PSD3: variants seen among roughly 807,000 people sequenced by gnomAD.
PSD3 encodes PH and SEC7 domain-containing protein 3.
PSD3 carries 49 observed loss-of-function variants against 105.5 expected under a neutral mutation model. The observed-to-expected ratio is 0.46, with a 90% CI of 0.37 to 0.59. The LOEUF is 0.59. Ranked by LOEUF, PSD3 falls within the 20% of genes least tolerant of loss-of-function variation. The pLI is 0.00. For synonymous variants in PSD3, 557 were observed against 457.8 expected, an observed-to-expected ratio of 1.22 and a Z score of -2.77; for missense variants, 1,561 against 1,263.8, an observed-to-expected ratio of 1.24 and a Z score of -3.57.
At chr8:18,618,209 C>T (rs1186352014) in intron 11 of PSD3, among the ~76,000 whole-genome samples, 1 of 140,932 alleles carries the variant, frequency 7.1e-6, no homozygotes, top group Non-Finnish European at 1.7e-5. Context: ...CCGTCTATGA[C>T]CTGGAAGCCC....
chr8:18,710,256 T>C (rs1802169596), intron 9 of PSD3, among the ~76,000 whole-genome samples: 1 of 151,934 alleles, frequency 6.6e-6, no homozygotes, highest in South Asian at 2.1e-4. Context: ...AGGTGAAGAC[T>C]ATGTTGCTGA....
At chr8:18,696,313 C>G (rs113361324) in intron 9 of PSD3, among the ~76,000 whole-genome samples, 3 of 152,318 alleles carry the variant, frequency 2.0e-5, no homozygotes, top group African/African-American at 7.2e-5. Context: ...CACATTATCT[C>G]ATTTAATACG....
chr8:19,062,655 C>G (rs911394877), intron 1 of PSD3, among the ~76,000 whole-genome samples: 2 of 152,088 alleles, frequency 1.3e-5, no homozygotes, highest in Non-Finnish European at 2.9e-5. Context: ...AAGACACATA[C>G]TAATATGCTT....
At chr8:18,757,553 A>T (rs1367802796) in intron 9 of PSD3, among the ~76,000 whole-genome samples, 1 of 152,174 alleles carries the variant, frequency 6.6e-6, no homozygotes, top group Non-Finnish European at 1.5e-5. Context: ...TAAGGGACAA[A>T]GGGGCAATGA....
intron 12 of PSD3, among the ~76,000 whole-genome samples, chr8:18,583,269 T>C (rs558797501): frequency 8.5e-5 from 13 of 152,096 alleles, no homozygotes; most frequent in Non-Finnish European, 1.9e-4. Context: ...TGAGATCCCG[T>C]TTCTACAAAT....
At chr8:18,572,140 C>G (rs964620602) in intron 14 of PSD3, among the ~76,000 whole-genome samples, 1 of 152,096 alleles carries the variant, frequency 6.6e-6, no homozygotes, top group African/African-American at 2.4e-5. Flanking sequence ...TTTTGTATTT[C>G]TAGCACTAAA....
intron 2 of PSD3, among the ~76,000 whole-genome samples, chr8:18,881,447 G>C (rs1029016642): frequency 2.6e-5 from 4 of 152,132 alleles, no homozygotes; most frequent in Non-Finnish European, 5.9e-5. Flanking sequence ...AATCAAACTG[G>C]TTTTCTTCCA....
intron 9 of PSD3, chr8:18,762,971 A>T: frequency 7.9e-7 from 1 of 1,264,256 alleles, no homozygotes; most frequent in Non-Finnish European, 1.0e-6. Context: ...GTAGTCTGTG[A>T]TCTCTGAGGA....
At chr8:18,958,185 G>A (rs961323955) in intron 1 of PSD3, among the ~76,000 whole-genome samples, 3 of 152,128 alleles carry the variant, frequency 2.0e-5, no homozygotes, top group African/African-American at 7.2e-5. Flanking sequence ...AACCTTGTGT[G>A]CTACACTGAA....
At chr8:18,772,561 T>A (rs945643443) in intron 8 of PSD3, among the ~76,000 whole-genome samples, 1 of 152,118 alleles carries the variant, frequency 6.6e-6, no homozygotes, top group African/African-American at 2.4e-5. Flanking sequence ...CAGGCTGGAG[T>A]GCAGTGGCAC....
At chr8:18,783,522 T>G (rs1808839689) in intron 8 of PSD3, among the ~76,000 whole-genome samples, 1 of 152,242 alleles carries the variant, frequency 6.6e-6, no homozygotes, top group African/African-American at 2.4e-5. Context: ...TTTCATTAGG[T>G]TAGACTGTAA....
chr8:18,559,789 G>C (rs549020047), intron 14 of PSD3, among the ~76,000 whole-genome samples: 3 of 152,148 alleles, frequency 2.0e-5, no homozygotes, highest in African/African-American at 7.2e-5. Context: ...ATACAGGCTA[G>C]AATGACAATA....
chr8:18,943,811 G>A (rs986918267), intron 1 of PSD3, among the ~76,000 whole-genome samples: 3 of 152,058 alleles, frequency 2.0e-5, no homozygotes, highest in South Asian at 2.1e-4. Context: ...CGGAAACTGG[G>A]ATTTGTATGC....
At chr8:18,712,438 A>G (rs140666238) in intron 9 of PSD3, among the ~76,000 whole-genome samples, 179 of 152,328 alleles carry the variant, frequency 1.2e-3, no homozygotes, top group Middle Eastern at 6.8e-3. Context: ...ATAAAGGGGT[A>G]TCATCCCTGA....
intron 2 of PSD3, among the ~76,000 whole-genome samples, chr8:18,893,273 C>G (rs1189284889): frequency 6.6e-6 from 1 of 152,034 alleles, no homozygotes; most frequent in Non-Finnish European, 1.5e-5. Flanking sequence ...AGGGGCTGAC[C>G]TGAGGGGGTT....
intron 11 of PSD3, among the ~76,000 whole-genome samples, chr8:18,629,124 TGAAG>T (rs577680084): frequency 6.8e-4 from 104 of 151,916 alleles, no homozygotes; most frequent in African/African-American, 2.5e-3. Context: ...GCAAAAACTA[TGAAG>T]GAAACTAAAG....
intron 9 of PSD3, among the ~76,000 whole-genome samples, chr8:18,662,563 G>C (rs1290767083): frequency 6.6e-6 from 1 of 152,208 alleles, no homozygotes; most frequent in Non-Finnish European, 1.5e-5. Flanking sequence ...GGTGGGTGGG[G>C]CACCTATCAC....
At chr8:18,560,128 C>A (rs1468381275) in intron 14 of PSD3, among the ~76,000 whole-genome samples, 2 of 150,276 alleles carry the variant, frequency 1.3e-5, no homozygotes, top group East Asian at 2.0e-4. Flanking sequence ...CTTGACCATG[C>A]AAATTATTCC....
intron 1 of PSD3, among the ~76,000 whole-genome samples, chr8:19,047,447 A>G (rs1160962434): frequency 6.6e-6 from 1 of 152,164 alleles, no homozygotes; most frequent in Admixed American, 6.6e-5. Flanking sequence ...ATGCCCTAGG[A>G]TAAATGTCAC....
Sources: allele counts gnomAD v4.1 joint callset (sites outside exome capture counted in the v4.1 genomes callset), GRCh38; gene constraint gnomAD v4.1.1; transcripts MANE v1.5; gene names NCBI Gene and HGNC (gene_info 2026-07-23, HGNC 2026-07-21).